Variants in LRRK2 observed in about 807,000 individuals in gnomAD.
LRRK2 encodes leucine rich repeat kinase 2.
A neutral mutation model predicts 302.6 loss-of-function variants in LRRK2; 203 were observed. The ratio of observed to expected loss-of-function variants is 0.67; its 90% CI spans 0.60 to 0.75. The LOEUF (loss-of-function observed/expected upper bound fraction) is 0.75. Among genes scored for constraint, LRRK2 ranks in the 30% least tolerant of loss-of-function variants. The pLI, the probability that LRRK2 is intolerant of heterozygous loss-of-function variation, is 0.00. For missense variants in LRRK2, 2,830 were observed against 2,951.0 expected, an observed-to-expected ratio of 0.96 and a Z score of 0.95; for synonymous variants, 1,066 against 1,031.9, an observed-to-expected ratio of 1.03 and a Z score of -0.63.
chr12:40,268,215 GCC>G (rs1943100971), intron 14 of LRRK2, among the ~76,000 whole-genome samples: 2 of 152,220 alleles, frequency 1.3e-5, no homozygotes, highest in Admixed American at 6.5e-5. Context: ...GCACATTTTG[GCC>G]GCATCTGTGT....
intron 3 of LRRK2, among the ~76,000 whole-genome samples, chr12:40,234,026 C>T (rs931706530): frequency 3.9e-5 from 6 of 152,122 alleles, no homozygotes; most frequent in Non-Finnish European, 8.8e-5. Context: ...GGCCTTTTCC[C>T]TCCAAAGACT....
In LRRK2 at chr12:40,369,131, T is replaced by C. The variant is rs1460604229; in HGVS notation, c.*1366T>C. The C allele has an allele frequency of 6.6e-6, 1 of 151,866 alleles. No individual in the cohort carries two copies. The highest frequency in any genetic ancestry group is 2.4e-5 in the African/African-American group (1 of 41,410). The allele number at this position is 151,866 out of a possible 1,614,324, so 9.4% of individuals were successfully genotyped here. A position where few individuals can be genotyped will look rare whatever the true frequency, so the allele number is the denominator to read the frequency against. On this transcript the variant is annotated 3_prime_UTR_variant, in exon 51 of 51. Coordinates refer to ENST00000298910, the MANE Select transcript of LRRK2 (RefSeq NM_198578.4). ...GGAAGCTATGCTTTAACTTGTTATG[T>C]AATTAACAAAAAAATCATATATAAT... is the stretch of plus-strand genomic sequence containing the variant.
chr12:40,308,660 AAG>A lies in LRRK2; in HGVS notation c.4159_4160del (p.Asp1387SerfsTer12), dbSNP rs1364742096. On this transcript the variant is annotated frameshift_variant, in exon 29 of 51. Coordinates refer to ENST00000298910, the MANE Select transcript of LRRK2 (RefSeq NM_198578.4). LOFTEE classifies it high-confidence loss of function. The stretch of plus-strand genomic sequence containing the variant: ...GCCTATCCAAATAAGAGACAAAAGA[AAG>A]AGAGATCTCGTCCTAAATGTGTGGG... ...DWPIQIRDKR[K>X]RDLVLNVWDF... 6.2e-7 allele frequency: 1 copy of A among 1,613,932 alleles called. No individual in the cohort carries two copies. The highest frequency in any genetic ancestry group is 1.7e-5 in the Admixed American group (1 of 60,002).
At chr12:40,302,048 C>T (rs919833345) in intron 25 of LRRK2, among the ~76,000 whole-genome samples, 3 of 151,878 alleles carry the variant, frequency 2.0e-5, no homozygotes, top group African/African-American at 2.4e-5. Flanking sequence ...CATGATGGCA[C>T]CTGCCTGTAA....
chr12:40,278,683 G>A (rs1351294612), intron 18 of LRRK2, among the ~76,000 whole-genome samples: 1 of 152,142 alleles, frequency 6.6e-6, no homozygotes, highest in East Asian at 1.9e-4. Context: ...GGCTGTGGAT[G>A]GCACACTTTT....
rs1298565928 is a variant in LRRK2 at position 40,308,592 on chromosome 12, T to G, written c.4085T>G (p.Leu1362Arg). Residue 1362 changes from leucine to arginine, a missense_variant, in exon 29 of 51, where the codon CTT (leucine) becomes CGT (arginine). By Grantham distance (102) the Leu-to-Arg change is moderately radical. Coordinates refer to ENST00000298910, the MANE Select transcript of LRRK2 (RefSeq NM_198578.4). ...QQLMKTKKSD[L>R]GMQSATVGID... The stretch of plus-strand genomic sequence containing the variant: ...TTAATGAAAACCAAGAAATCAGATC[T>G]TGGAATGCAAAGTGCCACAGTTGGC... 1.9e-6 allele frequency: 3 copies of G among 1,614,044 alleles called. No individual in the cohort carries two copies. The highest frequency in any genetic ancestry group is 1.7e-5 in the Admixed American group (1 of 60,006).
chr12:40,237,048 G>A (rs754927973), intron 4 of LRRK2, among the ~76,000 whole-genome samples: 1 of 152,036 alleles, frequency 6.6e-6, no homozygotes. Context: ...GATTATGATA[G>A]GAAATGTTTG....
In LRRK2 at chr12:40,225,645, A is replaced by AG. The variant is rs1229070571; in HGVS notation, c.237+7dup. ...AGAGTCGCGAGTGTGCAGCAGGTAA[A>AG]GGCATTGTTTTCACTTCAACTCATT... On this transcript the variant is annotated splice_donor_region_variant and intron_variant, in intron 2 of 50. Coordinates refer to ENST00000298910, the MANE Select transcript of LRRK2 (RefSeq NM_198578.4). 3 of 1,610,276 alleles carry AG rather than the reference A, an allele frequency of 1.9e-6. No homozygotes were observed. The African/African-American group carries it at 4.0e-5, about 22-fold the overall frequency.
intron 3 of LRRK2, chr12:40,232,730 T>A (rs1941258766): frequency 5.7e-6 from 1 of 176,728 alleles, no homozygotes; most frequent in African/African-American, 2.4e-5. Flanking sequence ...AACCACTAGT[T>A]CTTAAAAAAA....
At chr12:40,330,951 A>G (rs1005150956) in intron 39 of LRRK2, among the ~76,000 whole-genome samples, 1 of 152,150 alleles carries the variant, frequency 6.6e-6, no homozygotes, top group Non-Finnish European at 1.5e-5. Flanking sequence ...ATTTCCAGCA[A>G]TTCTTTCCAT....
At position 40,225,724 on chromosome 12, in the gene LRRK2, G is replaced by A. The variant is rs1940839742; in HGVS notation, c.237+84G>A. 7 of 1,259,854 alleles carry A rather than the reference G, an allele frequency of 5.6e-6. No individual in the cohort carries two copies. In the South Asian group the frequency reaches 8.8e-5, roughly 16 times the overall value. 78.0% of individuals were successfully genotyped at this position (1,259,854 alleles called of 1,614,324 possible). A position where few individuals can be genotyped will look rare whatever the true frequency, so the allele number is the denominator to read the frequency against. ...ACTGGCAATGTTAATATAGCCGAGA[G>A]TTCTTGGTTATTCCCAAAATTTGGC... On this transcript the variant is annotated intron_variant, in intron 2 of 50. Transcript: ENST00000298910.
chr12:40,291,659 G>T (rs1944164457), intron 20 of LRRK2, among the ~76,000 whole-genome samples: 1 of 151,762 alleles, frequency 6.6e-6, no homozygotes, highest in Non-Finnish European at 1.5e-5. Context: ...CTGTCTTGGT[G>T]ATGTGCCATG....
At position 40,254,682 on chromosome 12, in the gene LRRK2, A is replaced by G. The variant is rs375867502; in HGVS notation, c.1288+1666A>G. Among the ~76,000 whole-genome samples the G allele has an allele frequency of 1.6e-4, 24 of 152,278 alleles. 1 individual carries two copies. The highest frequency in any genetic ancestry group is 5.8e-4 in the African/African-American group (24 of 41,552). ...CCTTTGATATGCAAATCAAACAACC[A>G]TAACTTTGTGAAATTTCGACTGCTT... On this transcript the variant is annotated intron_variant, in intron 11 of 50. Transcript: ENST00000298910.
intron 42 of LRRK2, among the ~76,000 whole-genome samples, chr12:40,347,788 C>A (rs973804139): frequency 6.6e-6 from 1 of 152,098 alleles, no homozygotes; most frequent in African/African-American, 2.4e-5. Flanking sequence ...CATGGTGAAA[C>A]CCTGTCTCTA....
Position 40,310,477 on chromosome 12 carries a change from A to G in LRRK2, c.4364A>G (p.Asp1455Gly), listed in dbSNP as rs1945003049. 6.2e-7 allele frequency: 1 copy of G among 1,613,034 alleles called. No individual in the cohort carries two copies. Among genetic ancestry groups the G allele is most frequent in the Admixed American group, 1.7e-5 (1 of 59,802 alleles). ...GTGATTCTCGTTGGCACACATTTGGATGTTTCTGATGAGAAGCAACGCAAA... is the reference window on the plus strand; with the variant it reads ...GTGATTCTCGTTGGCACACATTTGGGTGTTTCTGATGAGAAGCAACGCAAA... ...SPVILVGTHL[D>G]VSDEKQRKAC... is the part of the protein sequence containing the mutation. The change falls in exon 31 of 51, where the codon GAT (aspartate) becomes GGT (glycine). Residue 1455 changes from aspartate (D) to glycine (G), a missense_variant. Coordinates refer to ENST00000298910, the MANE Select transcript of LRRK2 (RefSeq NM_198578.4).
intron 4 of LRRK2, 128 bp from the exon 5 acceptor site, chr12:40,237,841 A>G: frequency 1.0e-6 from 1 of 993,178 alleles, no homozygotes; most frequent in Non-Finnish European, 1.5e-6. Flanking sequence ...AAACAAACAA[A>G]CAAACAAGAA....
chr12:40,291,431 A>AATATATATATATATAT, intron 20 of LRRK2, among the ~76,000 whole-genome samples: 1 of 146,340 alleles, frequency 6.8e-6, no homozygotes, highest in Non-Finnish European at 1.5e-5. Flanking sequence ...AGTATAATAA[A>AATATATATATATATAT]ATATATATAT....
intron 38 of LRRK2, among the ~76,000 whole-genome samples, chr12:40,326,349 C>G (rs982277024): frequency 2.6e-4 from 40 of 151,684 alleles, no homozygotes; most frequent in African/African-American, 9.2e-4. Context: ...GGCTGTAGTC[C>G]CAGCTACTCG....
At chr12:40,276,854 A>T (rs1943476453) in intron 16 of LRRK2, among the ~76,000 whole-genome samples, 1 of 152,008 alleles carries the variant, frequency 6.6e-6, no homozygotes, top group African/African-American at 2.4e-5. Context: ...TTTTTTTGAG[A>T]TGGGGTCTCA....
Sources: allele counts gnomAD v4.1 joint callset (sites outside exome capture counted in the v4.1 genomes callset), GRCh38; gene constraint gnomAD v4.1.1; transcripts MANE v1.5; gene names NCBI Gene and HGNC (gene_info 2026-07-23, HGNC 2026-07-21).